DNAJC3: variants seen among roughly 807,000 people sequenced by gnomAD.
DNAJC3 encodes DnaJ heat shock protein family (Hsp40) member C3, also known as dnaJ homolog subfamily C member 3.
Under a neutral mutation model 68.6 loss-of-function variants are expected in DNAJC3, and 38 were observed. The observed-to-expected ratio is 0.55, with a 90% CI of 0.43 to 0.73. The LOEUF (loss-of-function observed/expected upper bound fraction) is 0.73, where lower values mean the gene tolerates loss of function less well. Among genes scored for constraint, DNAJC3 ranks in the 30% least tolerant of loss-of-function variants. DNAJC3 has a pLI of 0.00. For missense variants in DNAJC3, 526 were observed against 591.9 expected, an observed-to-expected ratio of 0.89 and a Z score of 1.16; for synonymous variants, 203 against 204.0, an observed-to-expected ratio of 1.00 and a Z score of 0.04.
At chr13:95,759,458 T>G (rs1192675374) in intron 5 of DNAJC3, among the ~76,000 whole-genome samples, 1 of 152,182 alleles carries the variant, frequency 6.6e-6, no homozygotes, top group Non-Finnish European at 1.5e-5. Context: ...ACCACTGGTG[T>G]GTTCCACCAC....
intron 4 of DNAJC3, among the ~76,000 whole-genome samples, chr13:95,742,198 T>C (rs1008783406): frequency 1.3e-5 from 2 of 152,196 alleles, no homozygotes; most frequent in African/African-American, 4.8e-5. Flanking sequence ...GGTGGTGGGC[T>C]TGCTGCTAGT....
intron 2 of DNAJC3, among the ~76,000 whole-genome samples, chr13:95,712,855 C>T (rs1211560157): frequency 6.6e-6 from 1 of 152,124 alleles, no homozygotes; most frequent in Non-Finnish European, 1.5e-5. Context: ...GTAATTTAAT[C>T]ACGGGGGAAA....
intron 9 of DNAJC3, among the ~76,000 whole-genome samples, chr13:95,769,392 T>G (rs1883101574): frequency 6.6e-6 from 1 of 152,222 alleles, no homozygotes; most frequent in African/African-American, 2.4e-5. Flanking sequence ...GGGGTAGAGA[T>G]TGGTCTTTGT....
intron 4 of DNAJC3, among the ~76,000 whole-genome samples, chr13:95,754,197 G>C (rs1043444574): frequency 6.6e-6 from 1 of 152,184 alleles, no homozygotes; most frequent in South Asian, 2.1e-4. Context: ...CTGAGGGCTT[G>C]GCCAGTAAAC....
At chr13:95,746,620 G>T (rs952065788) in intron 4 of DNAJC3, among the ~76,000 whole-genome samples, 1 of 152,108 alleles carries the variant, frequency 6.6e-6, no homozygotes, top group Non-Finnish European at 1.5e-5. Flanking sequence ...TTGAAGATTT[G>T]TGAGTATAAA....
At chr13:95,691,332 C>G (rs1400045720) in intron 1 of DNAJC3, among the ~76,000 whole-genome samples, 1 of 151,472 alleles carries the variant, frequency 6.6e-6, no homozygotes, top group Non-Finnish European at 1.5e-5. Flanking sequence ...CTCCTCACTT[C>G]TCAGACGGGG....
chr13:95,763,024 CAT>C (rs1256283136), intron 7 of DNAJC3, among the ~76,000 whole-genome samples: 4 of 152,272 alleles, frequency 2.6e-5, no homozygotes, highest in African/African-American at 9.6e-5. Context: ...GGCATAGAAA[CAT>C]ATTTTTTACT....
intron 2 of DNAJC3, among the ~76,000 whole-genome samples, chr13:95,713,157 G>A (rs1881027350): frequency 6.6e-6 from 1 of 152,126 alleles, no homozygotes; most frequent in Non-Finnish European, 1.5e-5. Flanking sequence ...CCAGTCTCCG[G>A]TATGTCTTTA....
At chr13:95,706,150 A>G (rs1468671705) in intron 1 of DNAJC3, among the ~76,000 whole-genome samples, 1 of 152,228 alleles carries the variant, frequency 6.6e-6, no homozygotes, top group East Asian at 1.9e-4. Context: ...CTAGTACAGA[A>G]GTAGTCAAAC....
Position 95,764,677 on chromosome 13 carries a change from TATATATACAC to T in DNAJC3, c.1075+726_1075+735del, listed in dbSNP as rs1258093567. Reference sequence around the variant, plus strand: ...ATATATATATATATATATATATATATATATATACACACACACACATATATATATACATATA... The same window carrying T: ...ATATATATATATATATATATATATATACACACACATATATATATACATATA... On this transcript the variant is annotated intron_variant, in intron 9 of 11. Coordinates refer to ENST00000602402, the MANE Select transcript of DNAJC3 (RefSeq NM_006260.5). Among the ~76,000 whole-genome samples, 88 of 122,804 alleles carry T rather than the reference TATATATACAC, an allele frequency of 7.2e-4. 1 individual carries two copies. Among genetic ancestry groups the T allele is most frequent in the African/African-American group, 3.0e-3 (84 of 27,546 alleles). The allele number at this position is 122,804 out of a possible 152,430, so 80.6% of individuals were successfully genotyped here.
chr13:95,727,456 A>G (rs1324227410), intron 4 of DNAJC3, among the ~76,000 whole-genome samples: 1 of 152,150 alleles, frequency 6.6e-6, no homozygotes, highest in Non-Finnish European at 1.5e-5. Context: ...CTTAAAGCAA[A>G]CTATTTTTTT....
At chr13:95,689,814 T>G (rs1308536582) in intron 1 of DNAJC3, among the ~76,000 whole-genome samples, 1 of 152,152 alleles carries the variant, frequency 6.6e-6, no homozygotes, top group African/African-American at 2.4e-5. Flanking sequence ...TTCATTTGTA[T>G]CAGAAATTAT....
intron 9 of DNAJC3, among the ~76,000 whole-genome samples, chr13:95,781,552 C>T (rs749792168): frequency 1.1e-4 from 17 of 152,112 alleles, no homozygotes; most frequent in East Asian, 3.9e-4. Context: ...TTCGTCACTT[C>T]GGTGGCAAGG....
intron 1 of DNAJC3, chr13:95,692,762 C>A (rs1483200850): frequency 6.6e-6 from 1 of 151,814 alleles, no homozygotes; most frequent in Non-Finnish European, 1.5e-5. Context: ...CTAGACCTTA[C>A]AATACTCACA....
chr13:95,688,584 C>T (rs113883529), intron 1 of DNAJC3, among the ~76,000 whole-genome samples: 1,729 of 151,280 alleles, frequency 0.011, 35 homozygotes, highest in African/African-American at 0.039. Context: ...GGCTCTATCT[C>T]GGCTCACTGC....
intron 2 of DNAJC3, among the ~76,000 whole-genome samples, chr13:95,722,807 C>T (rs1182096281): frequency 2.2e-5 from 1 of 45,928 alleles, no homozygotes; most frequent in Non-Finnish European, 3.8e-5. Context: ...GTGACAGACA[C>T]CTTGTCCGCC....
chr13:95,704,851 G>GTGTTTTTTTTTTTTTTT (rs1555323371), intron 1 of DNAJC3, among the ~76,000 whole-genome samples: 4 of 97,862 alleles, frequency 4.1e-5, no homozygotes, highest in Admixed American at 2.0e-4. Flanking sequence ...GTGTGTGTGT[G>GTGTTTTTTTTTTTTTTT]TTTTTTTTTT....
chr13:95,767,242 T>G (rs549732960), intron 9 of DNAJC3, among the ~76,000 whole-genome samples: 1 of 152,330 alleles, frequency 6.6e-6, no homozygotes, highest in South Asian at 2.1e-4. Context: ...AATTTGACTA[T>G]GCTAGATCCT....
chr13:95,748,349 AT>A (rs1452633868), intron 4 of DNAJC3, among the ~76,000 whole-genome samples: 1 of 152,212 alleles, frequency 6.6e-6, no homozygotes, highest in Non-Finnish European at 1.5e-5. Context: ...TTGGTAAGAC[AT>A]TTGATAAACT....
Sources: allele counts gnomAD v4.1 joint callset (sites outside exome capture counted in the v4.1 genomes callset), GRCh38; gene constraint gnomAD v4.1.1; transcripts MANE v1.5; gene names NCBI Gene and HGNC (gene_info 2026-07-23, HGNC 2026-07-21).